WDPCP: variants seen among roughly 807,000 people sequenced by gnomAD.
WDPCP encodes the protein WD repeat containing planar cell polarity effector.
WDPCP carries 71 observed loss-of-function variants against 93.1 expected under a neutral mutation model. That is an observed-to-expected ratio of 0.76 (90% CI 0.63 to 0.93). WDPCP has a LOEUF of 0.93. Among genes scored for constraint, WDPCP ranks in the 40% least tolerant of loss-of-function variants. WDPCP has a pLI of 0.00. For missense variants in WDPCP, 844 were observed against 887.4 expected, an observed-to-expected ratio of 0.95 and a Z score of 0.62; for synonymous variants, 315 against 315.0, an observed-to-expected ratio of 1.00 and a Z score of 0.00.
chr2:63,368,353 T>A (rs1691103242), intron 12 of WDPCP, among the ~76,000 whole-genome samples: 2 of 151,400 alleles, frequency 1.3e-5, no homozygotes, highest in Admixed American at 1.3e-4. Flanking sequence ...TGAGACAGTG[T>A]CTCGCTCTGT....
chr2:63,121,914 C>G lies in WDPCP; in HGVS notation c.*92G>C. 6.3e-7 allele frequency: 1 copy of G among 1,587,956 alleles called. No homozygotes were observed. Among genetic ancestry groups the G allele is most frequent in the Non-Finnish European group, 8.5e-7 (1 of 1,171,298 alleles). ...CTAATTTATATGATTCATACTGTCTCTTGTTAAAAATCCACACGGGGGATT... is the reference window on the plus strand; with the variant it reads ...CTAATTTATATGATTCATACTGTCTGTTGTTAAAAATCCACACGGGGGATT... On this transcript the variant is annotated 3_prime_UTR_variant, in exon 18 of 18. Coordinates refer to ENST00000272321, the MANE Select transcript of WDPCP (RefSeq NM_015910.7).
chr2:63,350,564 C>A (rs1474716840), intron 12 of WDPCP, among the ~76,000 whole-genome samples: 1 of 152,048 alleles, frequency 6.6e-6, no homozygotes, highest in East Asian at 1.9e-4. Flanking sequence ...ATTGTCAGTC[C>A]CTGGAAGTTG....
chr2:63,832,697 A>G (rs901970807), upstream of WDPCP, among the ~76,000 whole-genome samples: 1 of 152,220 alleles, frequency 6.6e-6, no homozygotes, highest in African/African-American at 2.4e-5. Flanking sequence ...ATTCATAAAT[A>G]TCTCATTTGA....
upstream of WDPCP, chr2:63,589,355 G>T: frequency 6.4e-7 from 1 of 1,550,646 alleles, no homozygotes; most frequent in Non-Finnish European, 8.7e-7. Flanking sequence ...TTTTCCAAAG[G>T]ACGTTACGGT....
At chr2:63,162,364 T>C (rs1256168737) in intron 15 of WDPCP, among the ~76,000 whole-genome samples, 2 of 152,228 alleles carry the variant, frequency 1.3e-5, no homozygotes, top group African/African-American at 2.4e-5. Context: ...TTTTCCTGAT[T>C]TATCAATAGT....
chr2:63,480,730 T>C (rs1700217634), intron 6 of WDPCP, among the ~76,000 whole-genome samples: 1 of 151,994 alleles, frequency 6.6e-6, no homozygotes, highest in African/African-American at 2.4e-5. Flanking sequence ...TATACAAAAA[T>C]CAACTTAAGA....
intron 6 of WDPCP, among the ~76,000 whole-genome samples, chr2:63,461,018 G>C (rs536918532): frequency 6.6e-6 from 1 of 152,296 alleles, no homozygotes; most frequent in African/African-American, 2.4e-5. Flanking sequence ...GCTTCCTTGA[G>C]GAAGAGACAA....
At chr2:63,351,277 C>T (rs572969795) in intron 12 of WDPCP, among the ~76,000 whole-genome samples, 5 of 152,160 alleles carry the variant, frequency 3.3e-5, no homozygotes, top group East Asian at 1.9e-4. Flanking sequence ...CCACTGTGCT[C>T]GGCTCAACTT....
At chr2:63,685,360 T>C (rs1668790646) in intron 2 of WDPCP, among the ~76,000 whole-genome samples, 1 of 152,120 alleles carries the variant, frequency 6.6e-6, no homozygotes, top group Non-Finnish European at 1.5e-5. Flanking sequence ...ATAAGAGAAA[T>C]GGACAAATTC....
At chr2:63,501,136 A>G (rs1701522612) in intron 1 of WDPCP, among the ~76,000 whole-genome samples, 1 of 152,238 alleles carries the variant, frequency 6.6e-6, no homozygotes, top group Non-Finnish European at 1.5e-5. Context: ...TTTTAATTAT[A>G]AAATTTCAGA....
intron 15 of WDPCP, among the ~76,000 whole-genome samples, chr2:63,158,686 C>A (rs923037999): frequency 6.6e-6 from 1 of 151,970 alleles, no homozygotes; most frequent in Non-Finnish European, 1.5e-5. Flanking sequence ...AATGTTAGAC[C>A]TTTTGGCATT....
intron 2 of WDPCP, among the ~76,000 whole-genome samples, chr2:63,720,425 A>C (rs1021739003): frequency 1.3e-5 from 2 of 151,956 alleles, no homozygotes; most frequent in East Asian, 1.9e-4. Context: ...TTAAAAAAAA[A>C]AAAAAACAAA....
chr2:63,175,164 C>CA, intron 14 of WDPCP, among the ~76,000 whole-genome samples: 1 of 151,908 alleles, frequency 6.6e-6, no homozygotes, highest in East Asian at 1.9e-4. Flanking sequence ...TGGAATATTG[C>CA]AGGAAGTGAT....
chr2:63,809,199 C>A (rs563245505), intron 2 of WDPCP, among the ~76,000 whole-genome samples: 1 of 149,046 alleles, frequency 6.7e-6, no homozygotes, highest in African/African-American at 2.5e-5. Context: ...CCGCCCCGCC[C>A]GGGAGGTGAG....
chr2:63,572,066 A>G (rs2106476859), intron 1 of WDPCP, among the ~76,000 whole-genome samples: 1 of 152,318 alleles, frequency 6.6e-6, no homozygotes, highest in South Asian at 2.1e-4. Flanking sequence ...CAGTGGACGT[A>G]TAGATAATCA....
intron 1 of WDPCP, among the ~76,000 whole-genome samples, chr2:63,508,609 C>A (rs934664709): frequency 6.6e-6 from 1 of 152,036 alleles, no homozygotes. Flanking sequence ...TGTAAACTGG[C>A]CAAATGCTCC....
chr2:63,299,699 T>C (rs1049383735), intron 13 of WDPCP, among the ~76,000 whole-genome samples: 2 of 152,204 alleles, frequency 1.3e-5, no homozygotes, highest in African/African-American at 2.4e-5. Flanking sequence ...AGGCATAATA[T>C]GTAGCACAAA....
chr2:63,730,206 ATTTT>A (rs796496113), intron 2 of WDPCP, among the ~76,000 whole-genome samples: 2 of 145,038 alleles, frequency 1.4e-5, no homozygotes, highest in African/African-American at 5.1e-5. Flanking sequence ...TGTTATTCTC[ATTTT>A]TTTTTTTTTA....
intron 2 of WDPCP, among the ~76,000 whole-genome samples, chr2:63,753,638 C>T (rs1281385957): frequency 1.3e-5 from 2 of 152,066 alleles, no homozygotes; most frequent in Non-Finnish European, 2.9e-5. Context: ...GTGGGAGGTG[C>T]TACACACTTT....
Sources: gnomAD v4.1 joint callset for allele counts (sites outside exome capture counted in the v4.1 genomes callset) on GRCh38, gnomAD v4.1.1 for gene constraint, MANE v1.5 for transcripts, NCBI Gene and HGNC (gene_info 2026-07-23, HGNC 2026-07-21) for gene names.